Variants in MIB1 observed in about 807,000 individuals in gnomAD.
The protein encoded by MIB1 is E3 ubiquitin-protein ligase MIB1.
MIB1 carries 278 observed loss-of-function variants against 124.5 expected under a neutral mutation model. The observed-to-expected ratio is 2.23, with a 90% CI of 2.02 to 2.47. The LOEUF (loss-of-function observed/expected upper bound fraction) is 2.47, where lower values mean the gene tolerates loss of function less well. Ranked by LOEUF, MIB1 falls within the 30% of genes most tolerant of loss-of-function variation. MIB1 has a pLI of 0.00. For synonymous variants in MIB1, 446 were observed against 429.4 expected, an observed-to-expected ratio of 1.04 and a Z score of -0.48; for missense variants, 957 against 1,254.4, an observed-to-expected ratio of 0.76 and a Z score of 3.58.
chr18:21,787,879 G>A (rs2041455130), intron 6 of MIB1, among the ~76,000 whole-genome samples: 1 of 150,422 alleles, frequency 6.6e-6, no homozygotes, highest in South Asian at 2.1e-4. Flanking sequence ...GTATAAAATT[G>A]TATGCACTTC....
chr18:21,868,163 T>C lies in MIB1; in HGVS notation c.*3497T>C, dbSNP rs192950093. On this transcript the variant is annotated 3_prime_UTR_variant, in exon 21 of 21. Coordinates refer to ENST00000261537, the MANE Select transcript of MIB1 (RefSeq NM_020774.4). ...ACATAAAATTTACCATATTAACTGT[T>C]TCTAAAGAATACAGTTCAGCCATGT... is the stretch of plus-strand genomic sequence containing the variant. 455 of 152,150 alleles carry C rather than the reference T, an allele frequency of 3.0e-3. 2 individuals are homozygous for C. The highest frequency in any genetic ancestry group is 0.01 in the African/African-American group (431 of 41,560). 9.4% of individuals were successfully genotyped at this position (152,150 alleles called of 1,614,324 possible). A position where few individuals can be genotyped will look rare whatever the true frequency, so the allele number is the denominator to read the frequency against.
intron 13 of MIB1, among the ~76,000 whole-genome samples, chr18:21,841,412 A>G (rs1379736767): frequency 1.3e-5 from 2 of 152,174 alleles, no homozygotes; most frequent in Admixed American, 6.5e-5. Context: ...CTCTATAAAA[A>G]TGGTCAAAAG....
chr18:21,771,069 C>T (rs545271340), intron 3 of MIB1, among the ~76,000 whole-genome samples: 1 of 152,270 alleles, frequency 6.6e-6, no homozygotes, highest in South Asian at 2.1e-4. Flanking sequence ...GATTATTCTG[C>T]TATTAGTGAT....
At chr18:21,790,746 A>G (rs961531768) in intron 6 of MIB1, among the ~76,000 whole-genome samples, 12 of 152,334 alleles carry the variant, frequency 7.9e-5, no homozygotes, top group South Asian at 6.2e-4. Context: ...TTTACTTTAC[A>G]TGTTTCTGAA....
At chr18:21,794,257 A>C (rs2041548069) in intron 7 of MIB1, 1 of 149,778 alleles carries the variant, frequency 6.7e-6, no homozygotes, top group Non-Finnish European at 1.5e-5. Context: ...GATATAACTT[A>C]GGACATAATT....
rs569813710 is a variant in MIB1, at chr18:21,774,123, A to C, written c.636+395A>C. 2.6e-3 allele frequency among the ~76,000 whole-genome samples: 396 copies of C among 152,334 alleles called. 2 individuals carry two copies. Among genetic ancestry groups the C allele is most frequent in the Non-Finnish European group, 4.3e-3 (294 of 68,032 alleles). On this transcript the variant is annotated intron_variant, in intron 4 of 20. Transcript: ENST00000261537. ...AAGTATAAATTACAACAAATATTAA[A>C]ATTATTTTTTAGGAGATTCCTCTCC...
intron 10 of MIB1, among the ~76,000 whole-genome samples, chr18:21,808,425 A>G (rs956242851): frequency 1.3e-5 from 2 of 152,200 alleles, no homozygotes; most frequent in Non-Finnish European, 2.9e-5. Flanking sequence ...ATAAGAGACT[A>G]TATGGCCTGT....
intron 1 of MIB1, among the ~76,000 whole-genome samples, chr18:21,752,294 A>G (rs1280483173): frequency 6.6e-6 from 1 of 152,222 alleles, no homozygotes; most frequent in East Asian, 1.9e-4. Flanking sequence ...ATATAATAGT[A>G]TTCAAATTAC....
chr18:21,861,362 A>G (rs868233674), intron 20 of MIB1, among the ~76,000 whole-genome samples: 1 of 152,054 alleles, frequency 6.6e-6, no homozygotes. Flanking sequence ...TAAGACATCT[A>G]CAGAATAAGC....
intron 10 of MIB1, among the ~76,000 whole-genome samples, chr18:21,808,319 T>A (rs1418445110): frequency 6.6e-6 from 1 of 152,228 alleles, no homozygotes; most frequent in Non-Finnish European, 1.5e-5. Context: ...GCCCTCCATC[T>A]GTATTGTAAA....
chr18:21,749,584 C>T (rs1035677382), intron 1 of MIB1, among the ~76,000 whole-genome samples: 1 of 148,800 alleles, frequency 6.7e-6, no homozygotes, highest in South Asian at 2.2e-4. Context: ...AGGAATTTAA[C>T]TTGTTCATAT....
chr18:21,772,770 C>G (rs938407549), intron 3 of MIB1, among the ~76,000 whole-genome samples: 13 of 151,992 alleles, frequency 8.6e-5, no homozygotes, highest in African/African-American at 3.1e-4. Flanking sequence ...GGTAGGCATG[C>G]CATTTTAGCT....
Position 21,836,676 on chromosome 18 carries a change from A to G in MIB1, c.1830-1689A>G, listed in dbSNP as rs188835366. Among the ~76,000 whole-genome samples the G allele has an allele frequency of 2.4e-3, 358 of 152,302 alleles. 2 individuals are homozygous for G. Among genetic ancestry groups the G allele is most frequent in the Non-Finnish European group, 2.7e-3 (183 of 68,024 alleles). On this transcript the variant is annotated intron_variant, in intron 12 of 20. Transcript: ENST00000261537. The stretch of plus-strand genomic sequence containing the variant: ...GTTTAAATTAATGACAAGTATTTAC[A>G]TTATTATTTTTACATTTTGTTTTTA...
chr18:21,718,609 A>C (rs2040700385), intron 1 of MIB1, among the ~76,000 whole-genome samples: 1 of 152,188 alleles, frequency 6.6e-6, no homozygotes, highest in Admixed American at 6.5e-5. Flanking sequence ...CCACCCTACA[A>C]AAATCTGAGA....
At chr18:21,765,689 GTTC>G (rs1400738513) in intron 1 of MIB1, 80 bp from the exon 2 acceptor site, 1 of 1,339,824 alleles carries the variant, frequency 7.5e-7, no homozygotes, top group Non-Finnish European at 1.0e-6. Context: ...AAAATGTTCT[GTTC>G]TTATTTTTTT....
At chr18:21,787,732 G>A (rs2041452926) in intron 6 of MIB1, among the ~76,000 whole-genome samples, 1 of 150,920 alleles carries the variant, frequency 6.6e-6, no homozygotes, top group Non-Finnish European at 1.5e-5. Context: ...CTGGGATATT[G>A]CTGGTGATAA....
chr18:21,836,781 TTG>T (rs1031119953), intron 12 of MIB1, among the ~76,000 whole-genome samples: 16 of 152,212 alleles, frequency 1.1e-4, no homozygotes, highest in African/African-American at 3.9e-4. Flanking sequence ...CCTGTAAATT[TTG>T]TTTCTCACAT....
intron 1 of MIB1, among the ~76,000 whole-genome samples, chr18:21,746,479 A>G (rs2040914459): frequency 6.6e-6 from 1 of 152,232 alleles, no homozygotes; most frequent in Non-Finnish European, 1.5e-5. Flanking sequence ...ATTTGTAGTG[A>G]GCAAGAAGAT....
intron 1 of MIB1, among the ~76,000 whole-genome samples, chr18:21,747,775 C>G (rs141743490): frequency 7.2e-5 from 11 of 152,256 alleles, no homozygotes; most frequent in African/African-American, 2.4e-4. Context: ...GAATGTGTTC[C>G]CAGGTAGCCA....
Sources: gnomAD v4.1 joint callset for allele counts (sites outside exome capture counted in the v4.1 genomes callset) on GRCh38, gnomAD v4.1.1 for gene constraint, MANE v1.5 for transcripts, NCBI Gene and HGNC (gene_info 2026-07-23, HGNC 2026-07-21) for gene names.